NIBAN1: variants seen among roughly 807,000 people sequenced by gnomAD.
The protein encoded by NIBAN1 is protein Niban 1.
Under a neutral mutation model 75.1 loss-of-function variants are expected in NIBAN1, and 81 were observed. The observed-to-expected ratio is 1.08, with a 90% CI of 0.90 to 1.30. NIBAN1 has a LOEUF of 1.30. Among genes scored for constraint, NIBAN1 ranks in the 50% most tolerant of loss-of-function variants. The pLI is 0.00. For synonymous variants in NIBAN1, 436 were observed against 424.8 expected (o/e 1.03, Z -0.32); for missense variants, 1,133 against 1,128.1 (o/e 1.00, Z -0.06).
intron 8 of NIBAN1, among the ~76,000 whole-genome samples, chr1:184,820,294 G>A (rs1175830276): frequency 6.6e-6 from 1 of 152,232 alleles, no homozygotes; most frequent in Non-Finnish European, 1.5e-5. Flanking sequence ...GCAGATGGCA[G>A]ATCTGGGTGG....
At chr1:184,974,213 C>A in intron 1 of NIBAN1, 89 bp downstream of exon 1, 1 of 1,320,254 alleles carries the variant, frequency 7.6e-7, no homozygotes. Context: ...GGAGAGGGCC[C>A]GGGGCGCGCC....
At chr1:184,948,639 A>G (rs1658287401) in intron 1 of NIBAN1, among the ~76,000 whole-genome samples, 1 of 152,156 alleles carries the variant, frequency 6.6e-6, no homozygotes, top group Non-Finnish European at 1.5e-5. Flanking sequence ...ACAAGAAGAG[A>G]ATGGTTAAAT....
intron 6 of NIBAN1, among the ~76,000 whole-genome samples, chr1:184,827,704 C>T (rs1442509167): frequency 5.3e-5 from 8 of 151,862 alleles, no homozygotes; most frequent in East Asian, 3.9e-4. Flanking sequence ...AACCCGGGAT[C>T]GCCCCTTGAA....
chr1:184,943,311 A>G (rs1376113189), intron 1 of NIBAN1, among the ~76,000 whole-genome samples: 1 of 152,184 alleles, frequency 6.6e-6, no homozygotes, highest in Non-Finnish European at 1.5e-5. Context: ...AAGTAAAGAA[A>G]AGAGACTACA....
intron 5 of NIBAN1, among the ~76,000 whole-genome samples, chr1:184,865,772 C>G (rs1655940422): frequency 6.6e-6 from 1 of 151,858 alleles, no homozygotes. Context: ...AAATAATAAG[C>G]CAAAAATACT....
intron 5 of NIBAN1, among the ~76,000 whole-genome samples, chr1:184,839,696 A>T (rs1655232256): frequency 6.6e-6 from 1 of 152,036 alleles, no homozygotes. Context: ...CCCGGGTTCA[A>T]GCGATTATCC....
intron 8 of NIBAN1, among the ~76,000 whole-genome samples, chr1:184,819,373 A>T (rs186602556): frequency 3.3e-5 from 5 of 152,298 alleles, no homozygotes; most frequent in African/African-American, 1.2e-4. Context: ...AAAACAAGAC[A>T]AAACAAAATC....
intron 1 of NIBAN1, among the ~76,000 whole-genome samples, chr1:184,965,880 C>G (rs1023879471): frequency 1.3e-5 from 2 of 152,146 alleles, no homozygotes; most frequent in African/African-American, 4.8e-5. Flanking sequence ...GTAGAAAATA[C>G]AGGAGAAATG....
At chr1:184,876,106 G>A (rs891176129) in intron 5 of NIBAN1, among the ~76,000 whole-genome samples, 18 of 151,476 alleles carry the variant, frequency 1.2e-4, no homozygotes, top group African/African-American at 4.4e-4. Context: ...CTGGGAGGCA[G>A]AAGTTGCAGT....
intron 1 of NIBAN1, among the ~76,000 whole-genome samples, chr1:184,905,171 G>A (rs1657059809): frequency 6.6e-6 from 1 of 152,076 alleles, no homozygotes; most frequent in Non-Finnish European, 1.5e-5. Flanking sequence ...AGGGCTGATG[G>A]GGCAGAACAG....
chr1:184,915,946 G>A (rs1199844831), intron 1 of NIBAN1, among the ~76,000 whole-genome samples: 1 of 152,138 alleles, frequency 6.6e-6, no homozygotes, highest in African/African-American at 2.4e-5. Flanking sequence ...TTGTTTCAAG[G>A]AGCATATTAT....
chr1:184,793,798 T>G lies in NIBAN1; in HGVS notation c.*1179A>C, dbSNP rs1247650390. 1.3e-5 allele frequency: 2 copies of G among 152,238 alleles called. No homozygotes were observed. The highest frequency in any genetic ancestry group is 2.9e-5 in the Non-Finnish European group (2 of 68,046). 9.4% of individuals were successfully genotyped at this position (152,238 alleles called of 1,614,324 possible). On this transcript the variant is annotated 3_prime_UTR_variant, in exon 14 of 14. Transcript: ENST00000367511. ...AAGTTCTAGGAGGAAGGAACAAAGTTGTTTTTCGCCATGGTATCCCCAGTG... is the reference window on the plus strand; with the variant it reads ...AAGTTCTAGGAGGAAGGAACAAAGTGGTTTTTCGCCATGGTATCCCCAGTG...
chr1:184,832,200 G>T (rs1035011660), intron 5 of NIBAN1, among the ~76,000 whole-genome samples: 6 of 152,146 alleles, frequency 3.9e-5, no homozygotes, highest in Non-Finnish European at 8.8e-5. Flanking sequence ...TAGTGGTTAG[G>T]ACTAGAAGGA....
At chr1:184,823,520 A>G in intron 7 of NIBAN1, 118 bp downstream of exon 7, 1 of 1,268,706 alleles carries the variant, frequency 7.9e-7, no homozygotes, top group South Asian at 1.4e-5. Flanking sequence ...GGTTCGAAGT[A>G]GGCATTTCTA....
rs376890841 is a variant in NIBAN1, at chr1:184,792,000, A to T, written c.*2977T>A. Reference sequence around the variant, plus strand: ...GAGACAGGGTCTCATTTTGTTGCCCAAGCTGGAGTGCAGTGGTAAAATCAT... The same window carrying T: ...GAGACAGGGTCTCATTTTGTTGCCCTAGCTGGAGTGCAGTGGTAAAATCAT... On this transcript the variant is annotated 3_prime_UTR_variant, in exon 14 of 14. Coordinates refer to ENST00000367511, the MANE Select transcript of NIBAN1 (RefSeq NM_052966.4). 1 of 151,490 alleles carries T rather than the reference A, an allele frequency of 6.6e-6. No homozygotes were observed. Among genetic ancestry groups the T allele is most frequent in the Non-Finnish European group, 1.5e-5 (1 of 67,964 alleles). 9.4% of individuals were successfully genotyped at this position (151,490 alleles called of 1,614,324 possible). A position where few individuals can be genotyped will look rare whatever the true frequency, so the allele number is the denominator to read the frequency against.
At chr1:184,937,145 CTTT>C (rs138240427) in intron 1 of NIBAN1, among the ~76,000 whole-genome samples, 20 of 92,122 alleles carry the variant, frequency 2.2e-4, no homozygotes, top group Admixed American at 1.8e-3. Context: ...TAGCTGGATT[CTTT>C]TTTTTTTTTT....
chr1:184,809,942 C>T (rs1654327884), intron 9 of NIBAN1, among the ~76,000 whole-genome samples: 1 of 151,938 alleles, frequency 6.6e-6, no homozygotes, highest in African/African-American at 2.4e-5. Flanking sequence ...AGTCTAGCCT[C>T]TAAGGGTGTG....
intron 5 of NIBAN1, among the ~76,000 whole-genome samples, chr1:184,862,833 T>A (rs1478067053): frequency 1.0e-5 from 1 of 99,382 alleles, no homozygotes; most frequent in Non-Finnish European, 2.0e-5. Context: ...GTTTTTCTTT[T>A]CTTTTTTTTT....
chr1:184,917,669 A>G (rs1006027148), intron 1 of NIBAN1, among the ~76,000 whole-genome samples: 11 of 151,936 alleles, frequency 7.2e-5, no homozygotes, highest in African/African-American at 2.7e-4. Context: ...ATCATCTACT[A>G]TACTTTCCTC....
Sources: gnomAD v4.1 joint callset for allele counts (sites outside exome capture counted in the v4.1 genomes callset) on GRCh38, gnomAD v4.1.1 for gene constraint, MANE v1.5 for transcripts, NCBI Gene and HGNC (gene_info 2026-07-23, HGNC 2026-07-21) for gene names.